The following COPB1 variants were observed in gnomAD, a reference collection of about 807,000 sequenced individuals.
COPB1 encodes the protein coat protein complex I subunit beta 1.
Under a neutral mutation model 108.7 loss-of-function variants are expected in COPB1, and 21 were observed. The observed-to-expected ratio is 0.19, with a 90% CI of 0.14 to 0.28. The LOEUF (loss-of-function observed/expected upper bound fraction) is 0.28. Among genes scored for constraint, COPB1 ranks in the 10% least tolerant of loss-of-function variants. COPB1 has a pLI of 1.00. For synonymous variants in COPB1, 378 were observed against 386.8 expected (o/e 0.98, Z 0.27); for missense variants, 919 against 1,141.3 (o/e 0.81, Z 2.81).
chr11:14,470,942 ACACT>A (rs751367447), intron 14 of COPB1, among the ~76,000 whole-genome samples: 1,653 of 86,886 alleles, frequency 0.019, 19 homozygotes, highest in African/African-American at 0.049. Flanking sequence ...ACACACACAC[ACACT>A]CTCTCTCTCT....
intron 6 of COPB1, among the ~76,000 whole-genome samples, chr11:14,487,370 T>C (rs1458763716): frequency 2.0e-5 from 3 of 152,094 alleles, no homozygotes; most frequent in Non-Finnish European, 4.4e-5. Context: ...TCCTAAACTA[T>C]ACACATGAAT....
At chr11:14,463,951 C>A (rs987537174) in intron 18 of COPB1, among the ~76,000 whole-genome samples, 1 of 152,148 alleles carries the variant, frequency 6.6e-6, no homozygotes, top group South Asian at 2.1e-4. Context: ...AATCTTCCTG[C>A]CTCTTCCAAT....
Position 14,468,839 on chromosome 11 carries a change from C to T in COPB1, c.1987G>A (p.Val663Met), listed in dbSNP as rs950536727. ...SQKKESEKRN[V>M]TVQPDDPISF... is the part of the protein sequence containing the mutation. ...ATGGGGTCATCAGGCTGTACTGTCA[C>T]ATTCCTCTTTTCAGATTCTTTCTGT... Residue 663 changes from valine (V) to methionine (M), a missense_variant, in exon 16 of 22, where the codon GTG (valine) becomes ATG (methionine). By Grantham distance (21) the Val-to-Met change is conservative (BLOSUM62 1). This residue lies in a region of COPB1 where 705 missense variants were observed against 817.8 expected (regional missense o/e 0.86). Coordinates refer to ENST00000439561, the MANE Select transcript of COPB1 (RefSeq NM_001144061.2). 1.2e-6 allele frequency: 2 copies of T among 1,613,796 alleles called. No individual in the cohort carries two copies. The highest frequency in any genetic ancestry group is 1.7e-5 in the Admixed American group (1 of 59,994).
chr11:14,465,699 G>A lies in COPB1; in HGVS notation c.2290+583C>T, dbSNP rs150632875. ...GCTGAGGACAACAGGGCAAAAGTAT[G>A]TTTTCCCCTTGATATCTTGAAGTTC... is the stretch of plus-strand genomic sequence containing the variant. On this transcript the variant is annotated intron_variant, in intron 17 of 21. Transcript: ENST00000439561. 2.6e-5 allele frequency among the ~76,000 whole-genome samples: 4 copies of A among 152,294 alleles called. No individual in the cohort carries two copies. The East Asian group carries it at 7.7e-4, about 29-fold the overall frequency.
intron 13 of COPB1, among the ~76,000 whole-genome samples, 170 bp downstream of exon 13, chr11:14,475,615 C>A (rs1476533461): frequency 3.3e-5 from 5 of 152,194 alleles, no homozygotes; most frequent in African/African-American, 9.7e-5. Flanking sequence ...ACCATCAATA[C>A]AATTCCTAGG....
chr11:14,466,144 A>T, intron 17 of COPB1, 138 bp downstream of exon 17: 1 of 842,452 alleles, frequency 1.2e-6, no homozygotes, highest in Admixed American at 2.6e-5. Context: ...CTAAATGATA[A>T]ATGAAAAACT....
chr11:14,497,750 T>C (rs918659882), intron 2 of COPB1, among the ~76,000 whole-genome samples: 2 of 152,198 alleles, frequency 1.3e-5, no homozygotes, highest in African/African-American at 4.8e-5. Context: ...CCTATGTTTG[T>C]TGCAGCACTG....
chr11:14,480,371 C>T (rs990734174), intron 10 of COPB1, among the ~76,000 whole-genome samples: 1 of 152,166 alleles, frequency 6.6e-6, no homozygotes, highest in Non-Finnish European at 1.5e-5. Flanking sequence ...ACTTATCTGA[C>T]AGTGACAGCA....
Position 14,475,879 on chromosome 11 carries a change from C to T in COPB1, c.1522G>A (p.Val508Ile). The change falls in exon 13 of 22, where the codon GTA becomes ATA. Residue 508 changes from valine to isoleucine, a missense_variant. By Grantham distance (29) the Val-to-Ile change is conservative. This residue lies in a region of COPB1 where 705 missense variants were observed against 817.8 expected (regional missense o/e 0.86). Transcript: ENST00000439561. Reference sequence around the variant, plus strand: ...GTAACCAATTTCTGAACTGGCCCTACAGTTATTTCTTCTTCAGGTTTTAAT... The same window carrying T: ...GTAACCAATTTCTGAACTGGCCCTATAGTTATTTCTTCTTCAGGTTTTAAT... ...GELKPEEEIT[V>I]GPVQKLVTEM... 1 of 1,613,520 alleles carries T rather than the reference C, an allele frequency of 6.2e-7. No individual in the cohort carries two copies. The highest frequency in any genetic ancestry group is 8.5e-7 in the Non-Finnish European group (1 of 1,179,772).
intron 20 of COPB1, 58 bp from the exon 21 acceptor site, chr11:14,458,745 AC>A: frequency 6.7e-7 from 1 of 1,495,908 alleles, no homozygotes; most frequent in Non-Finnish European, 9.0e-7. Context: ...AGAGGCAAAA[AC>A]CAAACAGCAT....
chr11:14,492,420 C>T (rs1235919439), intron 4 of COPB1, among the ~76,000 whole-genome samples: 2 of 151,942 alleles, frequency 1.3e-5, no homozygotes, highest in African/African-American at 2.4e-5. Context: ...CTCGGTTCAT[C>T]GCAACCTCTG....
chr11:14,458,763 CTTTTT>C (rs34021860), intron 20 of COPB1, 76 bp from the exon 21 acceptor site: 553 of 794,734 alleles, frequency 7.0e-4, no homozygotes, highest in East Asian at 1.2e-3. Flanking sequence ...GCATAGGTGA[CTTTTT>C]TTTTTTTTTT....
At chr11:14,465,144 A>T in intron 17 of COPB1, 114 bp from the exon 18 acceptor site, 1 of 1,316,154 alleles carries the variant, frequency 7.6e-7, no homozygotes, top group Non-Finnish European at 1.0e-6. Flanking sequence ...GCAGCTTAAT[A>T]GTTTCTAGGA....
intron 21 of COPB1, 32 bp from the exon 22 acceptor site, chr11:14,457,915 T>C (rs1565009060): frequency 7.5e-7 from 1 of 1,328,234 alleles, no homozygotes; most frequent in Non-Finnish European, 1.0e-6. Context: ...TTTATAATTA[T>C]TTAAACTATG....
Position 14,466,348 on chromosome 11 carries a change from C to T in COPB1, c.2224G>A (p.Asp742Asn). Reference sequence around the variant, plus strand: ...CTGGTTTGGTTCACAACAAGTACATCCAGGACAATATCATATTGGTTGACA... The same window carrying T: ...CTGGTTTGGTTCACAACAAGTACATTCAGGACAATATCATATTGGTTGACA... ...VHVNQYDIVL[D>N]VLVVNQTSDT... Residue 742 changes from aspartate (D) to asparagine (N), a missense_variant, in exon 17 of 22, where the codon GAT becomes AAT. Coordinates refer to ENST00000439561, the MANE Select transcript of COPB1 (RefSeq NM_001144061.2). The T allele has an allele frequency of 6.2e-7, 1 of 1,613,588 alleles. No homozygotes were observed. The highest frequency in any genetic ancestry group is 1.1e-5 in the South Asian group (1 of 91,078).
chr11:14,483,140 C>A lies in COPB1; in HGVS notation c.849G>T (p.Gln283His). Reference sequence around the variant, plus strand: ...CCTTAATAATTAAATCAATGTAACACTGAGCAGCAGCCTATATAAAAAAAG... The same window carrying A: ...CCTTAATAATTAAATCAATGTAACAATGAGCAGCAGCCTATATAAAAAAAG... ...SAPTAIKAAAQCYIDLIIKES... is the reference protein window; with the variant it reads ...SAPTAIKAAAHCYIDLIIKES... The change falls in exon 8 of 22, where the codon CAG becomes CAT. Residue 283 changes from glutamine (Q) to histidine (H), a missense_variant. Transcript: ENST00000439561. The A allele has an allele frequency of 6.4e-7, 1 of 1,563,160 alleles. No individual in the cohort carries two copies.
intron 14 of COPB1, among the ~76,000 whole-genome samples, chr11:14,473,340 A>G (rs1304446343): frequency 6.6e-6 from 1 of 152,130 alleles, no homozygotes; most frequent in African/African-American, 2.4e-5. Flanking sequence ...TTTCCTTTGC[A>G]TGCATAACTT....
In COPB1 at chr11:14,461,174, C is replaced by T; in HGVS notation, c.2556+12G>A. On this transcript the variant is annotated intron_variant, in intron 19 of 21. Coordinates refer to ENST00000439561, the MANE Select transcript of COPB1 (RefSeq NM_001144061.2). Reference sequence around the variant, plus strand: ...AGATAAAGGAATATGAGAAAATCTCCCAAGGACTAACTTTGTTTTCCCATT... The same window carrying T: ...AGATAAAGGAATATGAGAAAATCTCTCAAGGACTAACTTTGTTTTCCCATT... 1 of 1,613,970 alleles carries T rather than the reference C, an allele frequency of 6.2e-7. No individual in the cohort carries two copies. The highest frequency in any genetic ancestry group is 8.5e-7 in the Non-Finnish European group (1 of 1,179,976).
At chr11:14,459,029 A>G (rs1300542165) in intron 20 of COPB1, among the ~76,000 whole-genome samples, 1 of 152,192 alleles carries the variant, frequency 6.6e-6, no homozygotes. Flanking sequence ...CGGCCTCCCA[A>G]AATGCTGGGA....
Sources: allele counts gnomAD v4.1 joint callset (sites outside exome capture counted in the v4.1 genomes callset), GRCh38; gene constraint gnomAD v4.1.1; regional missense constraint gnomAD v4.1.1; transcripts MANE v1.5; gene names NCBI Gene and HGNC (gene_info 2026-07-23, HGNC 2026-07-21).